SKOR2: variants seen among roughly 807,000 people sequenced by gnomAD.
SKOR2 encodes the protein SKI family transcriptional corepressor 2.
A neutral mutation model predicts 69.1 loss-of-function variants in SKOR2; 47 were observed. The ratio of observed to expected loss-of-function variants is 0.68; its 90% confidence interval spans 0.54 to 0.87. The LOEUF (loss-of-function observed/expected upper bound fraction) is 0.87. SKOR2 is among the 40% of genes least tolerant of loss of function. The pLI is 0.00. For synonymous variants in SKOR2, 717 were observed against 672.6 expected, an observed-to-expected ratio of 1.07 and a Z score of -1.02; for missense variants, 1,404 against 1,472.2, an observed-to-expected ratio of 0.95 and a Z score of 0.76.
At chr18:47,222,724 A>G (rs1461158448) in intron 6 of SKOR2, among the ~76,000 whole-genome samples, 1 of 152,218 alleles carries the variant, frequency 6.6e-6, no homozygotes, top group African/African-American at 2.4e-5. Flanking sequence ...ACTAAGATGA[A>G]TTAGGAAGGA....
At chr18:47,227,954 C>A (rs1383053745) in intron 6 of SKOR2, among the ~76,000 whole-genome samples, 1 of 152,210 alleles carries the variant, frequency 6.6e-6, no homozygotes, top group African/African-American at 2.4e-5. Context: ...CCACAGTGCT[C>A]TAAGTGAACT....
At chr18:47,209,660 C>G (rs2064122158) in intron 8 of SKOR2, among the ~76,000 whole-genome samples, 2 of 152,020 alleles carry the variant, frequency 1.3e-5, no homozygotes, top group South Asian at 2.1e-4. Context: ...TAGCCATATG[C>G]TAGGTCACTA....
At chr18:47,209,335 T>C (rs138088080) in intron 8 of SKOR2, among the ~76,000 whole-genome samples, 11 of 152,272 alleles carry the variant, frequency 7.2e-5, no homozygotes, top group Non-Finnish European at 1.5e-4. Context: ...CAGTACCTAA[T>C]TTGGAAACCT....
At chr18:47,223,924 G>A (rs1282567241) in intron 6 of SKOR2, among the ~76,000 whole-genome samples, 2 of 146,962 alleles carry the variant, frequency 1.4e-5, no homozygotes, top group African/African-American at 5.0e-5. Context: ...TTTTAAATTT[G>A]AGGCAGAGTC....
intron 6 of SKOR2, among the ~76,000 whole-genome samples, chr18:47,227,147 A>ATCTTCCTCCT (rs1009004513): frequency 6.6e-6 from 1 of 151,042 alleles, no homozygotes; most frequent in Non-Finnish European, 1.5e-5. Flanking sequence ...CTTCTCCTCC[A>ATCTTCCTCCT]TCTTCCTCCT....
rs2144521197 is a variant in SKOR2, at chr18:47,249,211, C to T, written c.-28G>A. 1.3e-6 allele frequency: 2 copies of T among 1,526,654 alleles called. No individual in the cohort carries two copies. Among genetic ancestry groups the T allele is most frequent in the African/African-American group, 1.4e-5 (1 of 73,024 alleles). 94.6% of individuals were successfully genotyped at this position (1,526,654 alleles called of 1,614,324 possible). On this transcript the variant is annotated 5_prime_UTR_variant, in exon 2 of 9. Coordinates refer to ENST00000425639, the MANE Select transcript of SKOR2 (RefSeq NM_001278063.4). The stretch of plus-strand genomic sequence containing the variant: ...CCGCCGCAGAACCCCGGGCCGAGCC[C>T]TACAGGTCTGCCTTGGACACTGGAA...
intron 8 of SKOR2, 120 bp from the exon 9 acceptor site, chr18:47,207,012 T>A (rs1178340953): frequency 6.6e-6 from 1 of 152,204 alleles, no homozygotes; most frequent in African/African-American, 2.4e-5. Context: ...TCTGCTACCC[T>A]AGGTTATATA....
Position 47,224,802 on chromosome 18 carries a change from T to C in SKOR2, c.2918-4792A>G, listed in dbSNP as rs899087376. ...GCTAATTTGTGTGTATGTGTTTGTG[T>C]AGAGACAGGGTCCCAGTATGTTGCC... is the stretch of plus-strand genomic sequence containing the variant. On this transcript the variant is annotated intron_variant, in intron 6 of 8. Transcript: ENST00000425639. Among the ~76,000 whole-genome samples the C allele has an allele frequency of 6.6e-5, 10 of 152,128 alleles. No individual in the cohort carries two copies. In the South Asian group the frequency reaches 1.5e-3, roughly 22 times the overall value.
intron 4 of SKOR2, 150 bp from the exon 5 acceptor site, chr18:47,231,150 T>C (rs1182333425): frequency 2.6e-6 from 4 of 1,535,894 alleles, no homozygotes; most frequent in Non-Finnish European, 3.5e-6. Flanking sequence ...CCTCATTTAT[T>C]CGCATATAAT....
intron 4 of SKOR2, among the ~76,000 whole-genome samples, chr18:47,242,659 T>C (rs114616784): frequency 1.6e-3 from 246 of 152,288 alleles, no homozygotes; most frequent in African/African-American, 5.6e-3. Context: ...GATATTTATC[T>C]AGTAGATAAA....
intron 7 of SKOR2, among the ~76,000 whole-genome samples, chr18:47,212,534 CTAGTT>C (rs1459067204): frequency 9.9e-5 from 15 of 152,172 alleles, no homozygotes; most frequent in Non-Finnish European, 2.1e-4. Flanking sequence ...TGCTTACAAA[CTAGTT>C]TAATGTAATT....
chr18:47,231,546 T>TA (rs201396814), intron 4 of SKOR2, among the ~76,000 whole-genome samples: 81 of 151,654 alleles, frequency 5.3e-4, no homozygotes, highest in Admixed American at 1.1e-3. Context: ...TGTTTTTTTT[T>TA]AAAAAAAACA....
chr18:47,247,000 G>T lies in SKOR2; in HGVS notation c.2184C>A (p.Ser728Arg), dbSNP rs1413625623. Residue 728 changes from serine to arginine, a missense_variant, in exon 2 of 9, where the codon AGC (serine) becomes AGA (arginine). Transcript: ENST00000425639. ...SPGGTSCCYP[S>R]EDSSEDEDDE... ...CGTCCTCGTCCTCGGAGCTGTCCTC[G>T]CTGGGGTAGCAGCAGCTGGTTCCCC... 1.3e-6 allele frequency: 2 copies of T among 1,496,742 alleles called. No individual in the cohort carries two copies. Among genetic ancestry groups the T allele is most frequent in the East Asian group, 2.8e-5 (1 of 35,230 alleles). The allele number at this position is 1,496,742 out of a possible 1,614,324, so 92.7% of individuals were successfully genotyped here. A position where few individuals can be genotyped will look rare whatever the true frequency, so the allele number is the denominator to read the frequency against.
In SKOR2 at chr18:47,248,079, C is replaced by T. The variant is rs1273826917; in HGVS notation, c.1105G>A (p.Gly369Ser). Residue 369 changes from glycine to serine, a missense_variant, in exon 2 of 9, where the codon GGT becomes AGT. By Grantham distance (56) the Gly-to-Ser change is moderately conservative (BLOSUM62 0). Around this residue, in one of 3 missense-constraint regions of SKOR2, gnomAD observed 1,266 missense variants for 1,309.9 expected, o/e 0.97. Transcript: ENST00000425639. The surrounding 1 kb of genome is among the most constrained non-coding windows in gnomAD (Gnocchi z 6.4). Reference sequence around the variant, plus strand: ...GGGCCTTTGGCCCCTGCCCCGGCACCCGCCCCCGCGCCCGCGCCCACGCCC... The same window carrying T: ...GGGCCTTTGGCCCCTGCCCCGGCACTCGCCCCCGCGCCCGCGCCCACGCCC... ...GVGVGAGAGA[G>S]AGAGAKGPRS... 1 of 1,392,358 alleles carries T rather than the reference C, an allele frequency of 7.2e-7. No homozygotes were observed. The highest frequency in any genetic ancestry group is 9.3e-7 in the Non-Finnish European group (1 of 1,074,654). 86.3% of individuals were successfully genotyped at this position (1,392,358 alleles called of 1,614,324 possible).
chr18:47,228,745 C>T (rs1019350277), intron 6 of SKOR2, among the ~76,000 whole-genome samples: 4 of 152,150 alleles, frequency 2.6e-5, no homozygotes, highest in African/African-American at 9.7e-5. Context: ...GTTAGAGAAT[C>T]CTAGATCCTT....
In SKOR2 at chr18:47,230,562, T is replaced by TA. The variant is rs546904770; in HGVS notation, c.2819-6dup. ...ATAAAACCTTCTGAAGTTCTTCTAA[T>TA]AAAAAAAAGAAGAGTCATTTTACTA... On this transcript the variant is annotated splice_region_variant and splice_polypyrimidine_tract_variant and intron_variant, in intron 5 of 8. Coordinates refer to ENST00000425639, the MANE Select transcript of SKOR2 (RefSeq NM_001278063.4). 106 of 1,400,338 alleles carry TA rather than the reference T, an allele frequency of 7.6e-5. No individual in the cohort carries two copies. The highest frequency in any genetic ancestry group is 3.2e-4 in the Admixed American group (10 of 31,194). The allele number at this position is 1,400,338 out of a possible 1,614,324, so 86.7% of individuals were successfully genotyped here.
intron 6 of SKOR2, among the ~76,000 whole-genome samples, chr18:47,220,810 C>T (rs560177735): frequency 1.2e-4 from 18 of 152,230 alleles, no homozygotes; most frequent in African/African-American, 4.3e-4. Context: ...GAAATGAGCA[C>T]GATTTCTTAT....
chr18:47,228,930 A>G (rs1204458909), intron 6 of SKOR2, among the ~76,000 whole-genome samples: 2 of 152,246 alleles, frequency 1.3e-5, no homozygotes, highest in Non-Finnish European at 2.9e-5. Context: ...TAACTGAAGT[A>G]CCATGAGCTC....
chr18:47,216,423 A>T (rs2144481340), intron 7 of SKOR2, among the ~76,000 whole-genome samples: 1 of 152,316 alleles, frequency 6.6e-6, no homozygotes, highest in Admixed American at 6.5e-5. Context: ...TACCATGTAT[A>T]AATGTTAACT....
Sources: gnomAD v4.1 joint callset for allele counts (sites outside exome capture counted in the v4.1 genomes callset) on GRCh38, gnomAD v4.1.1 for gene constraint, gnomAD v4.1.1 regional missense constraint, Gnocchi (gnomAD v3.1) non-coding constraint, MANE v1.5 for transcripts, NCBI Gene and HGNC (gene_info 2026-07-23, HGNC 2026-07-21) for gene names.